Variants in LRRC74A observed in about 807,000 individuals in gnomAD.
LRRC74A encodes leucine-rich repeat-containing protein 74A.
LRRC74A carries 44 observed loss-of-function variants against 57.9 expected under a neutral mutation model. The observed-to-expected ratio is 0.76, with a 90% confidence interval of 0.60 to 0.98. The LOEUF (loss-of-function observed/expected upper bound fraction) is 0.98. Among genes scored for constraint, LRRC74A ranks in the 50% least tolerant of loss-of-function variants. The pLI is 0.00. For synonymous variants in LRRC74A, 211 were observed against 219.4 expected (o/e 0.96, Z 0.34); for missense variants, 572 against 574.0 (o/e 1.00, Z 0.04).
chr14:76,831,323 A>G lies in LRRC74A; in HGVS notation c.287A>G (p.Asn96Ser). The G allele has an allele frequency of 1.2e-6, 2 of 1,613,972 alleles. No individual in the cohort carries two copies. Residue 96 changes from asparagine to serine, a missense_variant, in exon 3 of 14, where the codon AAC becomes AGC. Coordinates refer to ENST00000689127, the MANE Select transcript of LRRC74A (RefSeq NM_001385106.1). The part of the protein sequence containing the change: ...RNMEESYVNL[N>S]HHGLGPRGTK... ...ATGGAGGAGTCCTACGTGAACCTCAACCACCACGGCCTGGGCCCCAGGGGT... is the reference window on the plus strand; with the variant it reads ...ATGGAGGAGTCCTACGTGAACCTCAGCCACCACGGCCTGGGCCCCAGGGGT...
At chr14:76,866,723 C>T (rs1367985151) in intron 12 of LRRC74A, among the ~76,000 whole-genome samples, 5 of 151,816 alleles carry the variant, frequency 3.3e-5, no homozygotes, top group Non-Finnish European at 2.9e-5. Flanking sequence ...CTGTTCCCTC[C>T]CCCGGTCACT....
At chr14:76,851,357 C>G (rs1379332711) in intron 7 of LRRC74A, among the ~76,000 whole-genome samples, 2 of 152,140 alleles carry the variant, frequency 1.3e-5, no homozygotes, top group Non-Finnish European at 2.9e-5. Context: ...ATAATTCTTG[C>G]TTTTATTTAT....
At chr14:76,868,440 G>T (rs1348503145) in intron 13 of LRRC74A, among the ~76,000 whole-genome samples, 1 of 152,222 alleles carries the variant, frequency 6.6e-6, no homozygotes, top group African/African-American at 2.4e-5. Flanking sequence ...CTGCACTTCA[G>T]CCTGGACGAC....
intron 13 of LRRC74A, among the ~76,000 whole-genome samples, chr14:76,868,493 A>C (rs1234789467): frequency 2.0e-5 from 3 of 152,184 alleles, no homozygotes; most frequent in African/African-American, 7.2e-5. Context: ...AAAGAAAAGC[A>C]GCCAAATTCT....
At chr14:76,862,847 G>A (rs1383347082) in intron 11 of LRRC74A, among the ~76,000 whole-genome samples, 1 of 152,218 alleles carries the variant, frequency 6.6e-6, no homozygotes, top group African/African-American at 2.4e-5. Flanking sequence ...AGCTGGCAAG[G>A]GAGGCTGGGC....
intron 1 of LRRC74A, among the ~76,000 whole-genome samples, chr14:76,827,073 G>T (rs917450012): frequency 1.3e-5 from 2 of 151,926 alleles, no homozygotes; most frequent in African/African-American, 4.8e-5. Context: ...GGTGTTGTTT[G>T]TTTTTTTTCC....
At chr14:76,854,498 T>G (rs2140298511) in intron 9 of LRRC74A, among the ~76,000 whole-genome samples, 1 of 152,192 alleles carries the variant, frequency 6.6e-6, no homozygotes, top group African/African-American at 2.4e-5. Context: ...TCCCAACTAC[T>G]TGGGAGGCTG....
chr14:76,866,897 G>A (rs1251593486), intron 12 of LRRC74A, among the ~76,000 whole-genome samples: 2 of 142,694 alleles, frequency 1.4e-5, no homozygotes, highest in African/African-American at 5.3e-5. Context: ...ATGGTCCCAA[G>A]AGTGAGGCAT....
chr14:76,847,466 A>G (rs1179974019), intron 7 of LRRC74A, among the ~76,000 whole-genome samples: 3 of 152,104 alleles, frequency 2.0e-5, no homozygotes, highest in African/African-American at 7.2e-5. Flanking sequence ...ACCTGTTCTC[A>G]CTTATAAGTG....
intron 2 of LRRC74A, among the ~76,000 whole-genome samples, chr14:76,830,948 A>G (rs1167208915): frequency 1.3e-5 from 2 of 152,170 alleles, no homozygotes; most frequent in African/African-American, 2.4e-5. Flanking sequence ...ACTTCTAGGA[A>G]AGCTTCTGGC....
chr14:76,869,064 TCCC>T (rs1899204000), intron 13 of LRRC74A, among the ~76,000 whole-genome samples: 2 of 150,860 alleles, frequency 1.3e-5, no homozygotes, highest in Non-Finnish European at 3.0e-5. Flanking sequence ...CAGCGGCCTG[TCCC>T]TGTGCCTCCT....
At position 76,860,691 on chromosome 14, in the gene LRRC74A, A is replaced by T; in HGVS notation, c.1054-2A>T. 6.2e-7 allele frequency: 1 copy of T among 1,605,660 alleles called. No individual in the cohort carries two copies. The highest frequency in any genetic ancestry group is 8.5e-7 in the Non-Finnish European group (1 of 1,175,202). ...CATGGGTCCCCTCTCTCCCTGTCACAGAACGTGCTGGTGTCCGAGCAGTTC... is the reference window on the plus strand; with the variant it reads ...CATGGGTCCCCTCTCTCCCTGTCACTGAACGTGCTGGTGTCCGAGCAGTTC... On this transcript the variant is annotated splice_acceptor_variant, in intron 10 of 13. Coordinates refer to ENST00000689127, the MANE Select transcript of LRRC74A (RefSeq NM_001385106.1). LOFTEE classifies it high-confidence loss of function.
chr14:76,863,760 A>T (rs1157005539), intron 11 of LRRC74A, among the ~76,000 whole-genome samples: 1 of 152,238 alleles, frequency 6.6e-6, no homozygotes, highest in African/African-American at 2.4e-5. Context: ...GATCAAAGAA[A>T]TGTCAGGAGG....
At chr14:76,836,422 C>T (rs1896341288) in intron 4 of LRRC74A, 108 bp downstream of exon 4, 1 of 672,406 alleles carries the variant, frequency 1.5e-6, no homozygotes, top group Non-Finnish European at 2.6e-6. Flanking sequence ...CAGGCTCCTG[C>T]CCGCCCCTGC....
chr14:76,841,959 G>A (rs146999715), intron 5 of LRRC74A, among the ~76,000 whole-genome samples: 116 of 152,140 alleles, frequency 7.6e-4, no homozygotes, highest in African/African-American at 2.7e-3. Flanking sequence ...TGATCCACCC[G>A]CCTCAGCCTC....
chr14:76,860,695 C>T lies in LRRC74A; in HGVS notation c.1056C>T (p.Asn352=), dbSNP rs748934451. ...GGTCCCCTCTCTCCCTGTCACAGAA[C>T]GTGCTGGTGTCCGAGCAGTTCATGA... ...KSRMEELDIS[N]VLVSEQFMKT... is the part of the protein sequence containing the mutation. The change falls in exon 11 of 14, where the codon AAC becomes AAT. Residue 352 remains asparagine, a splice_region_variant and synonymous_variant. Coordinates refer to ENST00000689127, the MANE Select transcript of LRRC74A (RefSeq NM_001385106.1). 2.4e-5 allele frequency: 39 copies of T among 1,606,210 alleles called. No individual in the cohort carries two copies. Among genetic ancestry groups the T allele is most frequent in the Admixed American group, 8.5e-5 (5 of 59,122 alleles).
chr14:76,860,613 G>T, intron 10 of LRRC74A, 80 bp from the exon 11 acceptor site: 1 of 1,340,234 alleles, frequency 7.5e-7, no homozygotes, highest in Non-Finnish European at 1.0e-6. Context: ...TGGCTTGGGT[G>T]GAAGGGGTAG....
intron 3 of LRRC74A, among the ~76,000 whole-genome samples, chr14:76,833,206 T>C (rs977049501): frequency 9.2e-5 from 14 of 152,078 alleles, no homozygotes; most frequent in Non-Finnish European, 1.9e-4. Context: ...GATGCAGACA[T>C]CTGAGAGAGT....
At chr14:76,838,285 T>C (rs562089251) in intron 5 of LRRC74A, among the ~76,000 whole-genome samples, 1 of 152,214 alleles carries the variant, frequency 6.6e-6, no homozygotes, top group Non-Finnish European at 1.5e-5. Flanking sequence ...TCATAAACTA[T>C]GTTTAATATG....
Sources: allele counts gnomAD v4.1 joint callset (sites outside exome capture counted in the v4.1 genomes callset), GRCh38; gene constraint gnomAD v4.1.1; transcripts MANE v1.5; gene names NCBI Gene and HGNC (gene_info 2026-07-23, HGNC 2026-07-21).